EFNA5: variants seen among roughly 807,000 people sequenced by gnomAD.
EFNA5 encodes ephrin-A5.
In EFNA5, 5 loss-of-function variants were observed where a neutral mutation model predicts 22.9. That is an observed-to-expected ratio of 0.22 (90% CI 0.11 to 0.46). The LOEUF (loss-of-function observed/expected upper bound fraction) is 0.46, where lower values mean the gene tolerates loss of function less well. Among genes scored for constraint, EFNA5 ranks in the 20% least tolerant of loss-of-function variants. The pLI, the probability that EFNA5 is intolerant of heterozygous loss-of-function variation, is 0.99. For synonymous variants in EFNA5, 113 were observed against 112.2 expected, an observed-to-expected ratio of 1.01 and a Z score of -0.04; for missense variants, 237 against 293.3, an observed-to-expected ratio of 0.81 and a Z score of 1.40.
intron 4 of EFNA5, among the ~76,000 whole-genome samples, chr5:107,383,317 A>G (rs1747520474): frequency 6.6e-6 from 1 of 152,210 alleles, no homozygotes; most frequent in South Asian, 2.1e-4. Flanking sequence ...AAATATATAT[A>G]AAGTCCTCCA....
chr5:107,395,126 C>T (rs1453597042), intron 2 of EFNA5, among the ~76,000 whole-genome samples: 4 of 146,086 alleles, frequency 2.7e-5, no homozygotes, highest in Non-Finnish European at 4.5e-5. Flanking sequence ...GCAACTTCCA[C>T]CTACCAGGTT....
chr5:107,498,499 T>C (rs1311534815), intron 1 of EFNA5, among the ~76,000 whole-genome samples: 3 of 152,226 alleles, frequency 2.0e-5, no homozygotes, highest in Non-Finnish European at 2.9e-5. Context: ...CCACACATCA[T>C]AGTCTATCAG....
intron 1 of EFNA5, among the ~76,000 whole-genome samples, chr5:107,660,261 C>CATATATATATATATAT (rs56838945): frequency 5.1e-4 from 27 of 52,446 alleles, no homozygotes; most frequent in South Asian, 7.8e-4. Flanking sequence ...ATGGCAAAAA[C>CATATATATATATATAT]ATATATATAT....
chr5:107,469,214 A>T (rs1750070799), intron 1 of EFNA5, among the ~76,000 whole-genome samples: 1 of 152,118 alleles, frequency 6.6e-6, no homozygotes. Context: ...GCATCCATGA[A>T]GCTGTTCCCT....
intron 1 of EFNA5, among the ~76,000 whole-genome samples, chr5:107,567,207 C>T (rs996541068): frequency 1.2e-4 from 18 of 151,742 alleles, no homozygotes; most frequent in Non-Finnish European, 2.5e-4. Flanking sequence ...ACTGGCATTC[C>T]GCACCAAAAA....
intron 1 of EFNA5, among the ~76,000 whole-genome samples, chr5:107,641,449 G>T (rs1750509854): frequency 6.6e-6 from 1 of 152,038 alleles, no homozygotes; most frequent in South Asian, 2.1e-4. Flanking sequence ...TCAATTTCCA[G>T]TGCTTATAAT....
intron 1 of EFNA5, among the ~76,000 whole-genome samples, chr5:107,617,285 C>G (rs551489213): frequency 2.6e-4 from 40 of 151,292 alleles, no homozygotes; most frequent in African/African-American, 9.8e-4. Flanking sequence ...ACCACAGAGT[C>G]TCCAAATACA....
intron 1 of EFNA5, among the ~76,000 whole-genome samples, chr5:107,578,694 T>G (rs1473308661): frequency 6.6e-6 from 1 of 152,198 alleles, no homozygotes; most frequent in Non-Finnish European, 1.5e-5. Context: ...GACAGACTTT[T>G]GTTCTCCCCA....
intron 1 of EFNA5, among the ~76,000 whole-genome samples, chr5:107,563,212 T>C (rs1271788711): frequency 6.6e-6 from 1 of 152,198 alleles, no homozygotes; most frequent in Non-Finnish European, 1.5e-5. Context: ...TCTTATTTGC[T>C]ATTTTTGAAT....
intron 1 of EFNA5, among the ~76,000 whole-genome samples, chr5:107,666,453 G>T (rs1751068760): frequency 6.6e-6 from 1 of 151,984 alleles, no homozygotes; most frequent in Non-Finnish European, 1.5e-5. Context: ...AAAACTAAAA[G>T]GTGTCAATTA....
intron 2 of EFNA5, among the ~76,000 whole-genome samples, chr5:107,391,574 A>C (rs2112491504): frequency 6.6e-6 from 1 of 152,354 alleles, no homozygotes; most frequent in Non-Finnish European, 1.5e-5. Context: ...ATTTTCTAAT[A>C]GAATTTTTCA....
chr5:107,522,938 A>G (rs1476248675), intron 1 of EFNA5, among the ~76,000 whole-genome samples: 3 of 152,246 alleles, frequency 2.0e-5, no homozygotes, highest in Non-Finnish European at 4.4e-5. Flanking sequence ...TTTAACAAAT[A>G]GATGGGTATT....
chr5:107,593,488 T>C (rs942336922), intron 1 of EFNA5, among the ~76,000 whole-genome samples: 2 of 152,206 alleles, frequency 1.3e-5, no homozygotes, highest in South Asian at 2.1e-4. Flanking sequence ...TCCTAAGACA[T>C]GTCCAGTTTT....
Position 107,670,798 on chromosome 5 carries a change from GAAGAA to G in EFNA5, c.-190_-186del. The G allele has an allele frequency of 1.4e-6, 1 of 730,194 alleles. No individual in the cohort carries two copies. Among genetic ancestry groups the G allele is most frequent in the Non-Finnish European group, 2.2e-6 (1 of 459,360 alleles). The allele number at this position is 730,194 out of a possible 1,614,324, so 45.2% of individuals were successfully genotyped here. A position where few individuals can be genotyped will look rare whatever the true frequency, so the allele number is the denominator to read the frequency against. ...AAGCTGGGGAGGGGTAGGAGAGCGA[GAAGAA>G]AAGAAGGCGGTGGGATGGGGGGTGA... On this transcript the variant is annotated 5_prime_UTR_variant, in exon 1 of 5. Coordinates refer to ENST00000333274, the MANE Select transcript of EFNA5 (RefSeq NM_001962.3).
intron 1 of EFNA5, among the ~76,000 whole-genome samples, chr5:107,447,731 A>G (rs1197784320): frequency 6.6e-6 from 1 of 152,210 alleles, no homozygotes; most frequent in South Asian, 2.1e-4. Context: ...TACAGACCCA[A>G]AGAAATGTGA....
intron 1 of EFNA5, among the ~76,000 whole-genome samples, chr5:107,482,842 C>G (rs867807431): frequency 6.1e-3 from 416 of 68,232 alleles, no homozygotes; most frequent in Middle Eastern, 0.014. Flanking sequence ...GTCTCTCTCT[C>G]TCTCTCTCTC....
chr5:107,595,604 C>G lies in EFNA5; in HGVS notation c.125+74885G>C, dbSNP rs1749457241. Among the ~76,000 whole-genome samples the G allele has an allele frequency of 2.6e-5, 4 of 152,086 alleles. No individual in the cohort carries two copies. In the South Asian group the frequency reaches 8.3e-4, roughly 32 times the overall value. On this transcript the variant is annotated intron_variant, in intron 1 of 4. Transcript: ENST00000333274. ...CTATAAACTCAACTTTATAATTTTC[C>G]TGAAATCATAAAACTTATTTAGAAA...
chr5:107,613,098 A>T (rs533805286), intron 1 of EFNA5, among the ~76,000 whole-genome samples: 21 of 147,500 alleles, frequency 1.4e-4, no homozygotes, highest in South Asian at 1.1e-3. Context: ...CTTTCGCAAT[A>T]AAAAAAAAAG....
chr5:107,619,652 C>T (rs1749995691), intron 1 of EFNA5, among the ~76,000 whole-genome samples: 3 of 151,814 alleles, frequency 2.0e-5, no homozygotes, highest in Admixed American at 1.3e-4. Context: ...TTAGCAGAGA[C>T]GGGGTTTCAC....
Sources: gnomAD v4.1 joint callset for allele counts (sites outside exome capture counted in the v4.1 genomes callset) on GRCh38, gnomAD v4.1.1 for gene constraint, MANE v1.5 for transcripts, NCBI Gene and HGNC (gene_info 2026-07-23, HGNC 2026-07-21) for gene names.